SAMD5: variants seen among roughly 807,000 people sequenced by gnomAD.
The protein encoded by SAMD5 is sterile alpha motif domain containing 5.
A neutral mutation model predicts 11.3 loss-of-function variants in SAMD5; 13 were observed. That is an observed-to-expected ratio of 1.15 (90% confidence interval 0.75 to 1.83). SAMD5 has a LOEUF of 1.83. SAMD5 is among the 40% of genes most tolerant of loss of function. The pLI is 0.00. For synonymous variants in SAMD5, 129 were observed against 111.3 expected (o/e 1.16, Z -1.00); for missense variants, 255 against 239.1 (o/e 1.07, Z -0.44).
intron 1 of SAMD5, among the ~76,000 whole-genome samples, chr6:147,699,690 T>A (rs1291883661): frequency 1.3e-5 from 2 of 152,192 alleles, no homozygotes; most frequent in African/African-American, 4.8e-5. Context: ...CATTCCTCTA[T>A]CAAGGGTGAT....
At chr6:147,865,312 A>AAG in the SAMD5 span, among the ~76,000 whole-genome samples, 1 of 102,182 alleles carries the variant, frequency 9.8e-6, no homozygotes, top group African/African-American at 3.6e-5. Context: ...GTAGGTATAT[A>AAG]AGTGTGTGTG....
intron 1 of SAMD5, among the ~76,000 whole-genome samples, chr6:147,545,304 A>G (rs1583076199): frequency 6.6e-6 from 1 of 152,240 alleles, no homozygotes; most frequent in East Asian, 1.9e-4. Flanking sequence ...ATTAACGAAT[A>G]CGGATTAGTC....
chr6:147,620,973 T>C (rs2128450204), intron 1 of SAMD5, among the ~76,000 whole-genome samples: 1 of 99,398 alleles, frequency 1.0e-5, no homozygotes, highest in South Asian at 4.4e-4. Flanking sequence ...TGTGTGTGTG[T>C]GTGTGTGTGT....
chr6:147,810,841 G>A, the SAMD5 span, among the ~76,000 whole-genome samples: 2 of 152,148 alleles, frequency 1.3e-5, no homozygotes, highest in African/African-American at 4.8e-5. Flanking sequence ...AGACATCATT[G>A]GAGTCCACTC....
chr6:147,744,474 G>A, the SAMD5 span, among the ~76,000 whole-genome samples: 1 of 152,158 alleles, frequency 6.6e-6, no homozygotes, highest in East Asian at 1.9e-4. Context: ...TATACTGAAA[G>A]AGAAATGATT....
chr6:147,641,936 AT>A (rs1431197070), intron 1 of SAMD5, among the ~76,000 whole-genome samples: 1 of 152,050 alleles, frequency 6.6e-6, no homozygotes, highest in African/African-American at 2.4e-5. Flanking sequence ...TAGAATACTT[AT>A]TTTTTCTGTC....
chr6:147,824,948 T>C, the SAMD5 span, among the ~76,000 whole-genome samples: 1 of 152,186 alleles, frequency 6.6e-6, no homozygotes. Context: ...TTTTGAACTT[T>C]TATGGGACTA....
At chr6:147,547,475 T>C (rs953693831) in intron 1 of SAMD5, among the ~76,000 whole-genome samples, 2 of 90 alleles carry the variant, frequency 0.022, no homozygotes, top group African/African-American at 0.038. Context: ...TTAGCCATGG[T>C]CCACTCTCTT....
intron 1 of SAMD5, among the ~76,000 whole-genome samples, chr6:147,665,905 C>T (rs1325719187): frequency 6.6e-6 from 1 of 151,846 alleles, no homozygotes; most frequent in Non-Finnish European, 1.5e-5. Context: ...TATTTTTTTC[C>T]CCATTTAAGA....
rs191476062 is a variant in SAMD5, at chr6:147,685,749, C to T, written c.163-51568C>T. ...TGACCAATTTCCTCTGTTGATTTTCCGTTTTTGTAGAACATCATGTGGGTT... is the reference window on the plus strand; with the variant it reads ...TGACCAATTTCCTCTGTTGATTTTCTGTTTTTGTAGAACATCATGTGGGTT... On this transcript the variant is annotated intron_variant, in intron 1 of 1. Coordinates refer to the SAMD5 transcript ENST00000566741. Among the ~76,000 whole-genome samples, 27 of 151,812 alleles carry T rather than the reference C, an allele frequency of 1.8e-4. No homozygotes were observed. In the East Asian group the frequency reaches 3.1e-3, roughly 17 times the overall value.
At chr6:147,845,098 C>T in the SAMD5 span, among the ~76,000 whole-genome samples, 1 of 151,742 alleles carries the variant, frequency 6.6e-6, no homozygotes, top group Non-Finnish European at 1.5e-5. Context: ...CACATTGTAC[C>T]CCGTAAATAT....
intron 1 of SAMD5, among the ~76,000 whole-genome samples, chr6:147,703,141 C>T (rs891481546): frequency 1.3e-5 from 2 of 152,108 alleles, no homozygotes; most frequent in Non-Finnish European, 1.5e-5. Context: ...GATCTCGGCT[C>T]ACTGCAACCT....
chr6:147,689,143 T>G (rs770786775), intron 1 of SAMD5, among the ~76,000 whole-genome samples: 6 of 152,128 alleles, frequency 3.9e-5, no homozygotes, highest in Non-Finnish European at 8.8e-5. Flanking sequence ...TTTAATAAGA[T>G]GGAAGTCAGC....
At chr6:147,553,857 A>T (rs1788811163) in intron 1 of SAMD5, among the ~76,000 whole-genome samples, 1 of 152,064 alleles carries the variant, frequency 6.6e-6, no homozygotes, top group African/African-American at 2.4e-5. Flanking sequence ...GAAAAGTCTG[A>T]AAGTGTTCTT....
At chr6:147,676,352 C>A (rs1482586202) in intron 1 of SAMD5, among the ~76,000 whole-genome samples, 1 of 151,986 alleles carries the variant, frequency 6.6e-6, no homozygotes, top group African/African-American at 2.4e-5. Context: ...TTCCTCAGCT[C>A]CTTCAGGTGT....
At chr6:147,767,464 T>TAA in the SAMD5 span, among the ~76,000 whole-genome samples, 1 of 149,848 alleles carries the variant, frequency 6.7e-6, no homozygotes, top group Non-Finnish European at 1.5e-5. Context: ...TGTTTGTGTC[T>TAA]CCCCGAAACT....
At chr6:147,815,684 G>T in the SAMD5 span, among the ~76,000 whole-genome samples, 1 of 151,898 alleles carries the variant, frequency 6.6e-6, no homozygotes, top group Non-Finnish European at 1.5e-5. Context: ...TTTCTTCTGA[G>T]TTATCTGTGT....
chr6:147,852,814 C>G, the SAMD5 span, among the ~76,000 whole-genome samples: 1 of 152,152 alleles, frequency 6.6e-6, no homozygotes, highest in East Asian at 1.9e-4. Flanking sequence ...CAACACATGG[C>G]TCTTTTCTGT....
the SAMD5 span, among the ~76,000 whole-genome samples, chr6:147,767,992 G>T: frequency 6.6e-6 from 1 of 152,134 alleles, no homozygotes; most frequent in East Asian, 1.9e-4. Flanking sequence ...GACAAGAACA[G>T]GTTCTTTTTG....
Sources: allele counts gnomAD v4.1 joint callset (sites outside exome capture counted in the v4.1 genomes callset), GRCh38; gene constraint gnomAD v4.1.1; transcripts MANE v1.5; gene names NCBI Gene and HGNC (gene_info 2026-07-23, HGNC 2026-07-21).